BCAP31: variants seen among roughly 807,000 people sequenced by gnomAD.
BCAP31 encodes B cell receptor associated protein 31.
For synonymous variants in BCAP31, 75 were observed against 80.9 expected, an observed-to-expected ratio of 0.93 and a Z score of 0.39; for missense variants, 124 against 193.0, an observed-to-expected ratio of 0.64 and a Z score of 2.12.
At chrX:153,722,794 G>A (rs2091676361) in intron 2 of BCAP31, among the ~76,000 whole-genome samples, 1 of 111,148 alleles carries the variant, frequency 9.0e-6, no homozygotes, top group African/African-American at 3.3e-5. Flanking sequence ...CAGCAACAAC[G>A]TGACCCAGTG....
At position 153,705,240 on chromosome X, in the gene BCAP31, G is replaced by C. The variant is rs377584600; in HGVS notation, c.342-1146C>G. The C allele has an allele frequency of 8.8e-5, 10 of 113,439 alleles. No individual in the cohort carries two copies. In the East Asian group the frequency reaches 2.2e-3, roughly 25 times the overall value. 9.3% of individuals were successfully genotyped at this position (113,439 alleles called of 1,213,427 possible). On this transcript the variant is annotated intron_variant, in intron 4 of 7. Transcript: ENST00000345046. ...GCTCATGGCCAGGGGCAGCCCGGAA[G>C]GGCTGGAGAAAGTAAAGAGCAGACA...
intron 4 of BCAP31, chrX:153,715,315 T>G: frequency 2.3e-6 from 1 of 438,787 alleles, no homozygotes; most frequent in East Asian, 3.8e-5. Context: ...ATGTGGTGTG[T>G]GAGGGTCTTC....
At chrX:153,724,006 G>A (rs914715646) in intron 1 of BCAP31, 22 of 370,176 alleles carry the variant, frequency 5.9e-5, no homozygotes, top group Non-Finnish European at 1.1e-4. Context: ...CAGAAGCCAG[G>A]GGTCCTTACA....
At chrX:153,703,401 C>G (rs782680781) in intron 5 of BCAP31, among the ~76,000 whole-genome samples, 3 of 113,223 alleles carry the variant, frequency 2.6e-5, no homozygotes, top group Non-Finnish European at 5.6e-5. Flanking sequence ...CCACAGATGG[C>G]GGTGCCTCGT....
At position 153,701,937 on chromosome X, in the gene BCAP31, C is replaced by A. The variant is rs181164870; in HGVS notation, c.702+70G>T. 2.0e-3 allele frequency: 2,080 copies of A among 1,049,080 alleles called. 29 individuals carry two copies. In the African/African-American group the frequency reaches 0.034, roughly 17 times the overall value. 86.5% of individuals were successfully genotyped at this position (1,049,080 alleles called of 1,213,427 possible). ...CCCTGGGCCCCTGGAAGGTTCCCTC[C>A]GCACCCGCAGGGGCTGCCTCATCCT... On this transcript the variant is annotated intron_variant, in intron 7 of 7. Coordinates refer to ENST00000345046, the MANE Select transcript of BCAP31 (RefSeq NM_001256447.2).
chrX:153,721,117 C>T (rs2091662353), intron 2 of BCAP31, 145 bp from the exon 3 acceptor site: 1 of 474,802 alleles, frequency 2.1e-6, no homozygotes, highest in African/African-American at 2.4e-5. Context: ...GCTTGCAATT[C>T]TCTAATTTGA....
At chrX:153,724,161 T>C (rs2148387148) in intron 1 of BCAP31, 173 bp downstream of exon 1, 2 of 243,173 alleles carry the variant, frequency 8.2e-6, no homozygotes, top group South Asian at 7.4e-5. Flanking sequence ...GACCAGCTTC[T>C]AGAGGCGCCG....
At chrX:153,712,315 G>A (rs782144525) in intron 4 of BCAP31, among the ~76,000 whole-genome samples, 1 of 110,683 alleles carries the variant, frequency 9.0e-6, no homozygotes, top group Non-Finnish European at 1.9e-5. Context: ...CCAGCTACTC[G>A]GGAGGCTGAG....
intron 3 of BCAP31, among the ~76,000 whole-genome samples, chrX:153,720,037 A>T (rs938209984): frequency 8.9e-6 from 1 of 111,815 alleles, no homozygotes; most frequent in Non-Finnish European, 1.9e-5. Context: ...ATCTCTCCCC[A>T]AGATATGCTG....
intron 5 of BCAP31, 129 bp from the exon 6 acceptor site, chrX:153,703,187 G>A (rs782085480): frequency 1.6e-5 from 15 of 964,859 alleles, no homozygotes; most frequent in Middle Eastern, 8.1e-4. Flanking sequence ...ATGTCAACGC[G>A]GAACCGAGCC....
At chrX:153,705,405 G>C (rs1318340514) in intron 4 of BCAP31, 7 of 112,952 alleles carry the variant, frequency 6.2e-5, no homozygotes, top group African/African-American at 2.3e-4. Flanking sequence ...AGGCTCCCAG[G>C]GGCCCCTGGC....
chrX:153,708,359 A>C (rs2091567826), intron 4 of BCAP31, among the ~76,000 whole-genome samples: 1 of 112,635 alleles, frequency 8.9e-6, no homozygotes, highest in Admixed American at 9.3e-5. Flanking sequence ...GGGGAAGAGG[A>C]CACGGGCTTA....
rs2091680693 is a variant in BCAP31 at position 153,723,258 on chromosome X, G to A, written c.-14C>T. ...CTGCAGACTCATCCTGTTGCTAGAA[G>A]GTTTCCCACAGGAAGATGTGAGCTT... On this transcript the variant is annotated 5_prime_UTR_variant, in exon 2 of 8. Transcript: ENST00000345046. The A allele has an allele frequency of 1.7e-6, 2 of 1,207,348 alleles. No homozygotes were observed. Among genetic ancestry groups the A allele is most frequent in the Non-Finnish European group, 1.1e-6 (1 of 893,044 alleles).
In BCAP31 at chrX:153,724,324, G is replaced by A. The variant is rs1488122594; in HGVS notation, c.-45+10C>T. The A allele has an allele frequency of 6.4e-6, 1 of 156,067 alleles. No homozygotes were observed. Among genetic ancestry groups the A allele is most frequent in the African/African-American group, 3.2e-5 (1 of 31,175 alleles). 12.9% of individuals were successfully genotyped at this position (156,067 alleles called of 1,213,427 possible). On this transcript the variant is annotated intron_variant, in intron 1 of 7. Transcript: ENST00000345046. ...CCCGGAGCCCAGCCCGGCGCGCGGA[G>A]CCCGCTCACCGAGTTTCCCACAGTC... is the stretch of plus-strand genomic sequence containing the variant.
chrX:153,716,578 C>CA (rs782072647), intron 3 of BCAP31, among the ~76,000 whole-genome samples: 4,722 of 27,314 alleles, frequency 0.17, 351 homozygotes, highest in African/African-American at 0.23. Context: ...TCTCTCTCAA[C>CA]AAAAAAAAAA....
rs371892645 is a variant in BCAP31 at position 153,704,138 on chromosome X, A to G, written c.342-44T>C. The G allele has an allele frequency of 1.4e-5, 17 of 1,177,013 alleles. No individual in the cohort carries two copies. The African/African-American group carries it at 2.6e-4, about 18-fold the overall frequency. On this transcript the variant is annotated intron_variant, in intron 4 of 7. Coordinates refer to ENST00000345046, the MANE Select transcript of BCAP31 (RefSeq NM_001256447.2). ...AGAAGGGAGAAGTGAGAAAAAGAGC[A>G]TGAAGGGCTGGCAGGAGCACCTCCT... is the stretch of plus-strand genomic sequence containing the variant.
At chrX:153,702,172 C>G in intron 6 of BCAP31, 65 bp from the exon 7 acceptor site, 1 of 972,879 alleles carries the variant, frequency 1.0e-6, no homozygotes, top group Non-Finnish European at 1.4e-6. Context: ...GGAAAAAACC[C>G]GACTGCTACA....
intron 3 of BCAP31, 92 bp from the exon 4 acceptor site, chrX:153,715,781 A>T (rs782365156): frequency 2.9e-6 from 3 of 1,037,770 alleles, no homozygotes; most frequent in Non-Finnish European, 2.7e-6. Context: ...GAGACAGGTC[A>T]GACTCACTTC....
chrX:153,715,223 C>G (rs1557049860), intron 4 of BCAP31, among the ~76,000 whole-genome samples: 1 of 111,826 alleles, frequency 8.9e-6, no homozygotes, highest in African/African-American at 3.2e-5. Flanking sequence ...AGGTCCTCTC[C>G]CAGAGGAGGG....
Sources: allele counts gnomAD v4.1 joint callset (sites outside exome capture counted in the v4.1 genomes callset), GRCh38; gene constraint gnomAD v4.1.1; transcripts MANE v1.5; gene names NCBI Gene and HGNC (gene_info 2026-07-23, HGNC 2026-07-21).